The following MT1G variants were observed in gnomAD, a reference collection of about 807,000 sequenced individuals.
MT1G encodes metallothionein-1G.
Under a neutral mutation model 9.1 loss-of-function variants are expected in MT1G, and 8 were observed. The ratio of observed to expected loss-of-function variants is 0.87; its 90% CI spans 0.51 to 1.58. The LOEUF is 1.58. Among genes scored for constraint, MT1G ranks in the 40% most tolerant of loss-of-function variants. MT1G has a pLI of 0.00. For missense variants in MT1G, 79 were observed against 77.3 expected (o/e 1.02, Z -0.08); for synonymous variants, 31 against 28.4 (o/e 1.09, Z -0.29).
rs1320970675 is a variant in MT1G, at chr16:56,667,512, G to A, written c.29-132C>T. On this transcript the variant is annotated intron_variant, in intron 1 of 2. Coordinates refer to ENST00000379811, the MANE Select transcript of MT1G (RefSeq NM_001301267.2). Reference sequence around the variant, plus strand: ...TCCTTTCCCACTCAGAGCAGAGGAAGAGAAGCCCCATGTCCTCTCCATTCA... The same window carrying A: ...TCCTTTCCCACTCAGAGCAGAGGAAAAGAAGCCCCATGTCCTCTCCATTCA... 7.7e-6 allele frequency: 10 copies of A among 1,292,772 alleles called. No homozygotes were observed. The South Asian group carries it at 1.3e-4, about 17-fold the overall frequency. 80.1% of individuals were successfully genotyped at this position (1,292,772 alleles called of 1,614,324 possible). A position where few individuals can be genotyped will look rare whatever the true frequency, so the allele number is the denominator to read the frequency against.
At chr16:56,667,222 T>A (rs541479003) in intron 2 of MT1G, 90 bp downstream of exon 2, 2 of 1,610,250 alleles carry the variant, frequency 1.2e-6, no homozygotes, top group Non-Finnish European at 1.7e-6. Flanking sequence ...GGAAGGCCGG[T>A]TCCCCAGAAG....
At position 56,667,361 on chromosome 16, in the gene MT1G, G is replaced by A. The variant is rs777032153; in HGVS notation, c.48C>T (p.Cys16=). Reference sequence around the variant, plus strand: ...ACTCTTTGCACTTGCAGGAGCTGGCGCAGGTGCAGGAGACACCTGCTAGAA... The same window carrying A: ...ACTCTTTGCACTTGCAGGAGCTGGCACAGGTGCAGGAGACACCTGCTAGAA... ...SCAAAGVSCT[C]ASSCKCKECK... The change falls in exon 2 of 3, where the codon TGC becomes TGT. Residue 16 remains cysteine, a synonymous_variant. Transcript: ENST00000379811. 30 of 1,614,126 alleles carry A rather than the reference G, an allele frequency of 1.9e-5. No homozygotes were observed. Among genetic ancestry groups the A allele is most frequent in the South Asian group, 3.3e-5 (3 of 91,090 alleles).
rs749333623 is a variant in MT1G at position 56,667,313 on chromosome 16, C to A, written c.96G>T (p.Lys32Asn). 2.4e-5 allele frequency: 39 copies of A among 1,614,098 alleles called. No homozygotes were observed. The highest frequency in any genetic ancestry group is 3.1e-5 in the Non-Finnish European group (37 of 1,180,060). Reference sequence around the variant, plus strand: ...TCCTGGAGATGGCCCCGCACTCACTCTTCTTGCAGGAGGTGCATTTGCACT... The same window carrying A: ...TCCTGGAGATGGCCCCGCACTCACTATTCTTGCAGGAGGTGCATTTGCACT... ...CKECKCTSCK[K>N]SCCSCCPVGC... is the part of the protein sequence containing the mutation. Residue 32 changes from lysine (K) to asparagine (N), a missense_variant and splice_region_variant, in exon 2 of 3, where the codon AAG becomes AAT. By Grantham distance (94) the Lys-to-Asn change is moderately conservative. Transcript: ENST00000379811.
chr16:56,667,289 C>T, intron 2 of MT1G, 23 bp downstream of exon 2: 1 of 1,614,254 alleles, frequency 6.2e-7, no homozygotes, highest in Non-Finnish European at 8.5e-7. Flanking sequence ...GCCCCAGATT[C>T]CTGGAGATGG....
intron 2 of MT1G, 96 bp downstream of exon 2, chr16:56,667,216 G>T (rs947340802): frequency 6.2e-7 from 1 of 1,607,046 alleles, no homozygotes; most frequent in Admixed American, 1.7e-5. Context: ...GACAAAGGAA[G>T]GCCGGTTCCC....
At position 56,666,844 on chromosome 16, in the gene MT1G, C is replaced by T. The variant is rs773041954; in HGVS notation, c.*35G>A. 1.9e-6 allele frequency: 3 copies of T among 1,609,662 alleles called. No individual in the cohort carries two copies. The highest frequency in any genetic ancestry group is 1.7e-5 in the Admixed American group (1 of 58,610). On this transcript the variant is annotated 3_prime_UTR_variant, in exon 3 of 3. Coordinates refer to ENST00000379811, the MANE Select transcript of MT1G (RefSeq NM_001301267.2). ...AAAAAATCCTGGATTTTACGGGTCA[C>T]TCTATTTGTACTTGGGAGCAGGGCT...
At chr16:56,667,831 A>C in intron 1 of MT1G, 135 bp downstream of exon 1, 1 of 1,073,526 alleles carries the variant, frequency 9.3e-7, no homozygotes, top group Non-Finnish European at 1.4e-6. Context: ...AGCTTGGCCA[A>C]CAGGAAAGCA....
In MT1G at chr16:56,667,895, A is replaced by T; in HGVS notation, c.28+71T>A. On this transcript the variant is annotated intron_variant, in intron 1 of 2. Coordinates refer to ENST00000379811, the MANE Select transcript of MT1G (RefSeq NM_001301267.2). ...TCTGATAGCAAAATACGACCTCCTCAAACCCAGGGACACTCTCTATGGTGT... is the reference window on the plus strand; with the variant it reads ...TCTGATAGCAAAATACGACCTCCTCTAACCCAGGGACACTCTCTATGGTGT... The T allele has an allele frequency of 1.9e-6, 3 of 1,582,472 alleles. No individual in the cohort carries two copies. In the Admixed American group the frequency reaches 5.0e-5, roughly 26 times the overall value.
rs183045266 is a variant in MT1G, at chr16:56,667,197, A to G, written c.97+115T>C. 1.7e-4 allele frequency: 263 copies of G among 1,591,950 alleles called. No individual in the cohort carries two copies. The African/African-American group carries it at 2.7e-3, about 17-fold the overall frequency. ...GCAGAAGACTAGACAGGCAGTGACA[A>G]CCTACAGGGACAAAGGAAGGCCGGT... On this transcript the variant is annotated intron_variant, in intron 2 of 2. Transcript: ENST00000379811.
At position 56,667,213 on chromosome 16, in the gene MT1G, G is replaced by A. The variant is rs574409684; in HGVS notation, c.97+99C>T. The A allele has an allele frequency of 2.4e-4, 386 of 1,605,992 alleles. 5 individuals are homozygous for A. The South Asian group carries it at 4.0e-3, about 17-fold the overall frequency. ...GCAGTGACAACCTACAGGGACAAAGGAAGGCCGGTTCCCCAGAAGCACGCA... is the reference window on the plus strand; with the variant it reads ...GCAGTGACAACCTACAGGGACAAAGAAAGGCCGGTTCCCCAGAAGCACGCA... On this transcript the variant is annotated intron_variant, in intron 2 of 2. Transcript: ENST00000379811.
At chr16:56,667,940 A>T in intron 1 of MT1G, 26 bp downstream of exon 1, 1 of 1,613,574 alleles carries the variant, frequency 6.2e-7, no homozygotes, top group Non-Finnish European at 8.5e-7. Context: ...TGGCATCCCA[A>T]GGCACAGAAC....
chr16:56,666,806 T>C lies in MT1G; in HGVS notation c.*73A>G, dbSNP rs1960782576. On this transcript the variant is annotated 3_prime_UTR_variant, in exon 3 of 3. Transcript: ENST00000379811. ...AGGAATGTAGCAAAGGGGTCAAGAT[T>C]GTAGCAAAAAACAAAAAATCCTGGA... 3 of 1,582,240 alleles carry C rather than the reference T, an allele frequency of 1.9e-6. No individual in the cohort carries two copies. The highest frequency in any genetic ancestry group is 1.7e-6 in the Non-Finnish European group (2 of 1,164,484).
chr16:56,667,183 G>T, intron 2 of MT1G, 129 bp downstream of exon 2: 1 of 1,572,076 alleles, frequency 6.4e-7, no homozygotes, highest in Non-Finnish European at 8.7e-7. Context: ...CAGAAGACTA[G>T]ACAGGCAGTG....
In MT1G at chr16:56,666,834, T is replaced by C; in HGVS notation, c.*45A>G. On this transcript the variant is annotated 3_prime_UTR_variant, in exon 3 of 3. Transcript: ENST00000379811. ...AGCAAAAAACAAAAAATCCTGGATT[T>C]TACGGGTCACTCTATTTGTACTTGG... is the stretch of plus-strand genomic sequence containing the variant. The C allele has an allele frequency of 6.3e-7, 1 of 1,598,528 alleles. No homozygotes were observed.
intron 2 of MT1G, 51 bp from the exon 3 acceptor site, chr16:56,667,021 C>T (rs761986546): frequency 1.2e-6 from 2 of 1,610,214 alleles, no homozygotes; most frequent in Admixed American, 1.7e-5. Context: ...TCAGAGAACT[C>T]CCTGCCCCAA....
chr16:56,667,242 A>T (rs1359443726), intron 2 of MT1G, 70 bp downstream of exon 2: 2 of 1,613,386 alleles, frequency 1.2e-6, no homozygotes, highest in East Asian at 4.5e-5. Context: ...GCACGCACTC[A>T]GGGACAGCCT....
rs1960781555 is a variant in MT1G at position 56,666,750 on chromosome 16, T to A, written c.*129A>T. On this transcript the variant is annotated 3_prime_UTR_variant, in exon 3 of 3. Coordinates refer to ENST00000379811, the MANE Select transcript of MT1G (RefSeq NM_001301267.2). Reference sequence around the variant, plus strand: ...AGAACGGGAATCAAGTCTAAGTGTTTAATTATTATTCACATATTTCACAGA... The same window carrying A: ...AGAACGGGAATCAAGTCTAAGTGTTAAATTATTATTCACATATTTCACAGA... 7.3e-7 allele frequency: 1 copy of A among 1,362,178 alleles called. No homozygotes were observed. The highest frequency in any genetic ancestry group is 1.5e-5 in the African/African-American group (1 of 67,958). 84.4% of individuals were successfully genotyped at this position (1,362,178 alleles called of 1,614,324 possible).
rs1960783185 is a variant in MT1G at position 56,666,824 on chromosome 16, A to T, written c.*55T>A. On this transcript the variant is annotated 3_prime_UTR_variant, in exon 3 of 3. Coordinates refer to ENST00000379811, the MANE Select transcript of MT1G (RefSeq NM_001301267.2). The stretch of plus-strand genomic sequence containing the variant: ...TCAAGATTGTAGCAAAAAACAAAAA[A>T]TCCTGGATTTTACGGGTCACTCTAT... 1.3e-6 allele frequency: 2 copies of T among 1,590,740 alleles called. No homozygotes were observed. Among genetic ancestry groups the T allele is most frequent in the Admixed American group, 1.9e-5 (1 of 53,900 alleles).
rs1279206441 is a variant in MT1G at position 56,666,972 on chromosome 16, T to C, written c.98-2A>G. 1 of 1,613,808 alleles carries C rather than the reference T, an allele frequency of 6.2e-7. No homozygotes were observed. The highest frequency in any genetic ancestry group is 8.5e-7 in the Non-Finnish European group (1 of 1,179,994). Reference sequence around the variant, plus strand: ...CCACAGGGCAGCAGGAGCAGCAGCCTGGGGAGGAAAGGAGATTGAGAGGTC... The same window carrying C: ...CCACAGGGCAGCAGGAGCAGCAGCCCGGGGAGGAAAGGAGATTGAGAGGTC... On this transcript the variant is annotated splice_acceptor_variant, in intron 2 of 2. Transcript: ENST00000379811. LOFTEE classifies it high-confidence loss of function.
Sources: allele counts gnomAD v4.1 joint callset, GRCh38; gene constraint gnomAD v4.1.1; transcripts MANE v1.5; gene names NCBI Gene and HGNC (gene_info 2026-07-23, HGNC 2026-07-21).